EXOC4: variants seen among roughly 807,000 people sequenced by gnomAD.
EXOC4 encodes exocyst complex component 4.
In EXOC4, 71 loss-of-function variants were observed where a neutral mutation model predicts 107.2. The ratio of observed to expected loss-of-function variants is 0.66; its 90% CI spans 0.55 to 0.81. The LOEUF (loss-of-function observed/expected upper bound fraction) is 0.81, where lower values mean the gene tolerates loss of function less well. EXOC4 is among the 30% of genes least tolerant of loss of function. The probability of loss-of-function intolerance (pLI) is 0.00; values close to 1 mark genes in which losing one functional copy is unlikely to be tolerated. For missense variants in EXOC4, 1,108 were observed against 1,189.6 expected, an observed-to-expected ratio of 0.93 and a Z score of 1.01; for synonymous variants, 456 against 441.2, an observed-to-expected ratio of 1.03 and a Z score of -0.42.
chr7:133,876,295 C>T (rs1389930674), intron 11 of EXOC4, among the ~76,000 whole-genome samples: 1 of 150,788 alleles, frequency 6.6e-6, no homozygotes, highest in African/African-American at 2.4e-5. Context: ...GCCCTTTGAG[C>T]AGGAAAATAA....
intron 17 of EXOC4, among the ~76,000 whole-genome samples, chr7:134,056,318 A>T (rs1032592991): frequency 9.9e-5 from 15 of 152,230 alleles, no homozygotes; most frequent in African/African-American, 3.6e-4. Flanking sequence ...AATCAAAAGA[A>T]CATTTACAGA....
chr7:133,698,256 G>A (rs1794581018), intron 10 of EXOC4, among the ~76,000 whole-genome samples: 1 of 152,008 alleles, frequency 6.6e-6, no homozygotes, highest in Non-Finnish European at 1.5e-5. Context: ...AAAAAACATT[G>A]TGTATAGTTT....
intron 9 of EXOC4, among the ~76,000 whole-genome samples, chr7:133,592,892 C>T (rs750358909): frequency 2.0e-5 from 3 of 151,980 alleles, no homozygotes; most frequent in Non-Finnish European, 4.4e-5. Context: ...TGAGCCACTG[C>T]GCTTGGCCCA....
At chr7:133,743,355 C>A (rs1344083126) in intron 10 of EXOC4, among the ~76,000 whole-genome samples, 1 of 152,058 alleles carries the variant, frequency 6.6e-6, no homozygotes, top group Non-Finnish European at 1.5e-5. Flanking sequence ...TTATACAAAG[C>A]CAAGCAGGAA....
chr7:133,399,048 A>C (rs946133492), intron 7 of EXOC4, among the ~76,000 whole-genome samples: 2 of 152,246 alleles, frequency 1.3e-5, no homozygotes, highest in East Asian at 3.9e-4. Flanking sequence ...CATTCCTATA[A>C]ATTATGTCAG....
At chr7:133,427,422 G>C (rs1043675049) in intron 7 of EXOC4, among the ~76,000 whole-genome samples, 4 of 152,106 alleles carry the variant, frequency 2.6e-5, no homozygotes, top group African/African-American at 9.7e-5. Context: ...ATTATCTTAT[G>C]GAATGCCAGA....
At chr7:133,499,678 G>A (rs1444307723) in intron 9 of EXOC4, among the ~76,000 whole-genome samples, 1 of 152,092 alleles carries the variant, frequency 6.6e-6, no homozygotes, top group Non-Finnish European at 1.5e-5. Context: ...CCTGATGGGG[G>A]TGGTTGGATC....
chr7:134,011,381 C>T (rs1388833138), intron 17 of EXOC4, among the ~76,000 whole-genome samples: 1 of 152,128 alleles, frequency 6.6e-6, no homozygotes, highest in African/African-American at 2.4e-5. Flanking sequence ...CCCCTCTTTA[C>T]CCCATTTTGT....
intron 9 of EXOC4, among the ~76,000 whole-genome samples, chr7:133,541,737 C>T (rs1318435568): frequency 6.6e-6 from 1 of 152,016 alleles, no homozygotes; most frequent in African/African-American, 2.4e-5. Context: ...AACTCCTGGG[C>T]TCAAGTATAT....
At chr7:133,672,531 A>C (rs1793970828) in intron 10 of EXOC4, among the ~76,000 whole-genome samples, 4 of 152,202 alleles carry the variant, frequency 2.6e-5, no homozygotes, top group African/African-American at 9.6e-5. Flanking sequence ...ATAAACTTGA[A>C]AGCCATCAAC....
At chr7:133,672,785 T>C (rs1793975934) in intron 10 of EXOC4, among the ~76,000 whole-genome samples, 3 of 152,220 alleles carry the variant, frequency 2.0e-5, no homozygotes, top group Admixed American at 6.5e-5. Context: ...TAAATGCTGT[T>C]GATCTGTTCA....
intron 9 of EXOC4, among the ~76,000 whole-genome samples, chr7:133,485,105 AT>A (rs1799245935): frequency 6.7e-5 from 10 of 150,030 alleles, no homozygotes; most frequent in African/African-American, 2.2e-4. Flanking sequence ...AAATAAATAA[AT>A]AAATAAATAA....
chr7:133,580,305 G>A (rs1258349106), intron 9 of EXOC4, among the ~76,000 whole-genome samples: 1 of 152,004 alleles, frequency 6.6e-6, no homozygotes, highest in Admixed American at 6.5e-5. Flanking sequence ...CCACGAACAT[G>A]GGTATACAAA....
intron 7 of EXOC4, among the ~76,000 whole-genome samples, chr7:133,455,279 A>G (rs1019056441): frequency 6.6e-6 from 1 of 152,166 alleles, no homozygotes. Flanking sequence ...TCAGAGCAGC[A>G]TGCAATTAAA....
chr7:133,343,798 C>T (rs1209766809), intron 5 of EXOC4, among the ~76,000 whole-genome samples: 1 of 151,602 alleles, frequency 6.6e-6, no homozygotes, highest in Non-Finnish European at 1.5e-5. Context: ...TTGAGCCCCT[C>T]TCTTGGGCAT....
intron 14 of EXOC4, among the ~76,000 whole-genome samples, chr7:133,942,683 C>T (rs4266574): frequency 0.22 from 33,897 of 152,010 alleles, 4,967 homozygotes; most frequent in East Asian, 0.44. Flanking sequence ...TCAGTTAGAG[C>T]CACTAATTGG....
At chr7:133,743,579 T>C (rs1795612998) in intron 10 of EXOC4, among the ~76,000 whole-genome samples, 1 of 152,186 alleles carries the variant, frequency 6.6e-6, no homozygotes, top group African/African-American at 2.4e-5. Context: ...AGATAGCGAA[T>C]GGATTTCTCC....
chr7:133,439,406 A>G (rs1798055907), intron 7 of EXOC4, among the ~76,000 whole-genome samples: 1 of 151,700 alleles, frequency 6.6e-6, no homozygotes, highest in South Asian at 2.1e-4. Flanking sequence ...GATGGTCTGG[A>G]TCTCTTGACT....
chr7:133,842,827 C>T (rs190565325), intron 11 of EXOC4, among the ~76,000 whole-genome samples: 2 of 151,948 alleles, frequency 1.3e-5, no homozygotes, highest in East Asian at 3.9e-4. Flanking sequence ...GTATAAATAA[C>T]GAAGGGGTCC....
Sources: allele counts gnomAD v4.1 joint callset (sites outside exome capture counted in the v4.1 genomes callset), GRCh38; gene constraint gnomAD v4.1.1; transcripts MANE v1.5; gene names NCBI Gene and HGNC (gene_info 2026-07-23, HGNC 2026-07-21).